Variants in SEC61A2 observed in about 807,000 individuals in gnomAD.
SEC61A2 encodes protein transport protein Sec61 subunit alpha isoform 2.
A neutral mutation model predicts 59.9 loss-of-function variants in SEC61A2; 28 were observed. The ratio of observed to expected loss-of-function variants is 0.47; its 90% confidence interval spans 0.35 to 0.64. The LOEUF is 0.64. Among genes scored for constraint, SEC61A2 ranks in the 30% least tolerant of loss-of-function variants. The pLI is 0.01. For missense variants in SEC61A2, 340 were observed against 585.9 expected (o/e 0.58, Z 4.33); for synonymous variants, 202 against 214.4 (o/e 0.94, Z 0.50).
chr10:12,165,173 T>G lies in SEC61A2; in HGVS notation c.*719T>G, dbSNP rs75398956. The G allele has an allele frequency of 2.0e-6, 2 of 985,494 alleles. No individual in the cohort carries two copies. The highest frequency in any genetic ancestry group is 3.5e-5 in the African/African-American group (2 of 57,368). The allele number at this position is 985,494 out of a possible 1,614,324, so 61.0% of individuals were successfully genotyped here. On this transcript the variant is annotated 3_prime_UTR_variant, in exon 12 of 12. Coordinates refer to ENST00000298428, the MANE Select transcript of SEC61A2 (RefSeq NM_018144.4). ...ACTCCAACCAGTCACTTGAGAATAT[T>G]CTTTCAAGATTCTGGGCCCCGATTC...
intron 6 of SEC61A2, among the ~76,000 whole-genome samples, chr10:12,150,580 T>C (rs1367484454): frequency 6.6e-6 from 1 of 152,230 alleles, no homozygotes; most frequent in East Asian, 1.9e-4. Flanking sequence ...TTCTTTGCAA[T>C]AAGGTATTGT....
chr10:12,167,964 A>G, downstream of SEC61A2: 2 of 1,365,370 alleles, frequency 1.5e-6, no homozygotes, highest in South Asian at 3.1e-5. Flanking sequence ...AGGATCTTAA[A>G]GAATAAAGAC....
At chr10:12,150,776 CTTT>C (rs764582648) in intron 6 of SEC61A2, among the ~76,000 whole-genome samples, 4 of 140,288 alleles carry the variant, frequency 2.9e-5, no homozygotes, top group Non-Finnish European at 1.6e-5. Context: ...TCCTAAGTAT[CTTT>C]TTTTTTTTTT....
At chr10:12,132,822 A>T (rs906419320) in intron 1 of SEC61A2, among the ~76,000 whole-genome samples, 6 of 152,184 alleles carry the variant, frequency 3.9e-5, no homozygotes, top group Admixed American at 6.5e-5. Flanking sequence ...GTACCACGGT[A>T]GAGTACATTT....
chr10:12,169,686 C>T (rs180978761), downstream of SEC61A2: 19 of 227,206 alleles, frequency 8.4e-5, no homozygotes, highest in Admixed American at 3.2e-4. This position sits in a 1 kb window ranked among gnomAD's most constrained non-coding sequence, Gnocchi z 4.8. Context: ...CTAAGGGATA[C>T]GAAATCTGAT....
chr10:12,138,160 G>T (rs1041298145), intron 3 of SEC61A2, among the ~76,000 whole-genome samples: 2 of 152,044 alleles, frequency 1.3e-5, no homozygotes, highest in African/African-American at 4.8e-5. Flanking sequence ...ATAATCTGGA[G>T]AAAACCTAAC....
chr10:12,146,808 G>A (rs923177769), intron 4 of SEC61A2, among the ~76,000 whole-genome samples: 20 of 152,178 alleles, frequency 1.3e-4, no homozygotes, highest in Non-Finnish European at 1.9e-4. Flanking sequence ...GTGAGCCACC[G>A]CGCCCAGCCA....
Position 12,145,021 on chromosome 10 carries a change from C to A in SEC61A2, c.220+1826C>A, listed in dbSNP as rs957765358. Among the ~76,000 whole-genome samples, 3 of 151,806 alleles carry A rather than the reference C, an allele frequency of 2.0e-5. No homozygotes were observed. The highest frequency in any genetic ancestry group is 6.6e-5 in the Admixed American group (1 of 15,242). ...CCGAGATCACGCCACTGCACTCTAG[C>A]CGGGGCGACACAACCAGACCCTGTC... On this transcript the variant is annotated intron_variant, in intron 4 of 11. Coordinates refer to ENST00000298428, the MANE Select transcript of SEC61A2 (RefSeq NM_018144.4). The surrounding 1 kb of genome is among the most constrained non-coding windows in gnomAD (Gnocchi z 4.4).
At position 12,160,565 on chromosome 10, in the gene SEC61A2, G is replaced by C. The variant is rs911704458; in HGVS notation, c.976-365G>C. 1.3e-5 allele frequency among the ~76,000 whole-genome samples: 2 copies of C among 152,168 alleles called. No homozygotes were observed. Among genetic ancestry groups the C allele is most frequent in the South Asian group, 4.2e-4 (2 of 4,818 alleles). ...TTCATATGGAAGGATCATTCATAGG[G>C]ATCTTAATGTACTGACTGGATACTC... On this transcript the variant is annotated intron_variant, in intron 9 of 11. Coordinates refer to ENST00000298428, the MANE Select transcript of SEC61A2 (RefSeq NM_018144.4). The surrounding 1 kb of genome is among the most constrained non-coding windows in gnomAD (Gnocchi z 4.1).
At position 12,161,558 on chromosome 10, in the gene SEC61A2, T is replaced by A. The variant is rs1486139447; in HGVS notation, c.1167+437T>A. 6.6e-6 allele frequency among the ~76,000 whole-genome samples: 1 copy of A among 152,120 alleles called. No homozygotes were observed. Among genetic ancestry groups the A allele is most frequent in the Non-Finnish European group, 1.5e-5 (1 of 68,002 alleles). ...GAGATCGAGACCATCCTGGTCAGCA[T>A]GGTAAAACCCTTTCTCTACTAAAAA... is the stretch of plus-strand genomic sequence containing the variant. On this transcript the variant is annotated intron_variant, in intron 10 of 11. Transcript: ENST00000298428. This position sits in a 1 kb window ranked among gnomAD's most constrained non-coding sequence, Gnocchi z 5.4.
rs1834414259 is a variant in SEC61A2, at chr10:12,157,025, C to T, written c.735C>T (p.Leu245=). 1 of 1,614,170 alleles carries T rather than the reference C, an allele frequency of 6.2e-7. No individual in the cohort carries two copies. The highest frequency in any genetic ancestry group is 2.2e-5 in the East Asian group (1 of 44,886). Residue 245 remains leucine, a synonymous_variant, in exon 8 of 12, where the codon CTC becomes CTT. Coordinates refer to ENST00000298428, the MANE Select transcript of SEC61A2 (RefSeq NM_018144.4). ...AGAACTTACCCAATCTCATGAACCT[C>T]ATTGCTACAGTTTTTGTGTTTGCTG... ...YRQNLPNLMN[L]IATVFVFAVV...
In SEC61A2 at chr10:12,162,331, G is replaced by A. The variant is rs989693477; in HGVS notation, c.1244+42G>A. 6.7e-7 allele frequency: 1 copy of A among 1,484,904 alleles called. No individual in the cohort carries two copies. The highest frequency in any genetic ancestry group is 9.4e-7 in the Non-Finnish European group (1 of 1,063,056). 92.0% of individuals were successfully genotyped at this position (1,484,904 alleles called of 1,614,324 possible). On this transcript the variant is annotated intron_variant, in intron 11 of 11. Coordinates refer to ENST00000298428, the MANE Select transcript of SEC61A2 (RefSeq NM_018144.4). The surrounding 1 kb of genome is among the most constrained non-coding windows in gnomAD (Gnocchi z 6.1). Reference sequence around the variant, plus strand: ...GACACCTTTATAGGCCTGTGTTTGTGTTTCAGTCTTTCAGTGTTGGCTAAA... The same window carrying A: ...GACACCTTTATAGGCCTGTGTTTGTATTTCAGTCTTTCAGTGTTGGCTAAA...
At position 12,155,890 on chromosome 10, in the gene SEC61A2, T is replaced by C. The variant is rs761321571; in HGVS notation, c.575T>C (p.Val192Ala). ...GCCACCAACATCTGTGAGACCATTG[T>C]CTGGAAGGCCTTTAGTCCCACTACC... ...FIATNICETI[V>A]WKAFSPTTIN... The change falls in exon 7 of 12, where the codon GTC becomes GCC. Residue 192 changes from valine to alanine, a missense_variant. Val to Ala is a moderately conservative substitution (Grantham distance 64). Coordinates refer to ENST00000298428, the MANE Select transcript of SEC61A2 (RefSeq NM_018144.4). This position sits in a 1 kb window ranked among gnomAD's most constrained non-coding sequence, Gnocchi z 4.3. The C allele has an allele frequency of 6.2e-7, 1 of 1,614,230 alleles. No homozygotes were observed. The highest frequency in any genetic ancestry group is 8.5e-7 in the Non-Finnish European group (1 of 1,180,032).
Position 12,153,756 on chromosome 10 carries a change from A to C in SEC61A2, c.463-2022A>C. 6.2e-7 allele frequency: 1 copy of C among 1,611,246 alleles called. No individual in the cohort carries two copies. The highest frequency in any genetic ancestry group is 8.5e-7 in the Non-Finnish European group (1 of 1,179,382). Reference sequence around the variant, plus strand: ...TTTCAAGGCGTTACTAACATTGAAAATATGTGGATACACTGAAGAGCTATG... The same window carrying C: ...TTTCAAGGCGTTACTAACATTGAAACTATGTGGATACACTGAAGAGCTATG... On this transcript the variant is annotated intron_variant, in intron 6 of 11. Transcript: ENST00000298428. The surrounding 1 kb of genome is among the most constrained non-coding windows in gnomAD (Gnocchi z 5.2).
rs977899579 is a variant in SEC61A2, at chr10:12,152,207, G to A, written c.462+2246G>A. ...CAAGCAATTCTGCCTCAGCCTCCCC[G>A]GTAGCTGGAATTACAGGGTCCTGCC... On this transcript the variant is annotated intron_variant, in intron 6 of 11. Coordinates refer to ENST00000298428, the MANE Select transcript of SEC61A2 (RefSeq NM_018144.4). The surrounding 1 kb of genome is among the most constrained non-coding windows in gnomAD (Gnocchi z 5.5). Among the ~76,000 whole-genome samples, 2 of 151,990 alleles carry A rather than the reference G, an allele frequency of 1.3e-5. No homozygotes were observed. Among genetic ancestry groups the A allele is most frequent in the East Asian group, 1.9e-4 (1 of 5,142 alleles).
rs890334878 is a variant in SEC61A2, at chr10:12,142,620, A to G, written c.142-497A>G. 2 of 501,050 alleles carry G rather than the reference A, an allele frequency of 4.0e-6. No homozygotes were observed. Among genetic ancestry groups the G allele is most frequent in the South Asian group, 8.6e-5 (1 of 11,566 alleles). The allele number at this position is 501,050 out of a possible 1,614,324, so 31.0% of individuals were successfully genotyped here. Reference sequence around the variant, plus strand: ...GTGTTTTTTAAATTGTGGTAAAAGTATAGAAAATATGCCATCTTCATCATT... The same window carrying G: ...GTGTTTTTTAAATTGTGGTAAAAGTGTAGAAAATATGCCATCTTCATCATT... On this transcript the variant is annotated intron_variant, in intron 3 of 11. Coordinates refer to ENST00000298428, the MANE Select transcript of SEC61A2 (RefSeq NM_018144.4). This position sits in a 1 kb window ranked among gnomAD's most constrained non-coding sequence, Gnocchi z 5.4.
Position 12,154,794 on chromosome 10 carries a change from T to A in SEC61A2, c.463-984T>A, listed in dbSNP as rs191233762. On this transcript the variant is annotated intron_variant, in intron 6 of 11. Transcript: ENST00000298428. This position sits in a 1 kb window ranked among gnomAD's most constrained non-coding sequence, Gnocchi z 5.2. The stretch of plus-strand genomic sequence containing the variant: ...TCTCATGTGGTTACTTTGGTCGCTC[T>A]TCCAGCAGGTGATATTGGATAAAGT... Among the ~76,000 whole-genome samples the A allele has an allele frequency of 6.6e-6, 1 of 152,300 alleles. No homozygotes were observed. Among genetic ancestry groups the A allele is most frequent in the East Asian group, 1.9e-4 (1 of 5,188 alleles).
rs1564412346 is a variant in SEC61A2 at position 12,149,856 on chromosome 10, T to C, written c.357T>C (p.Phe119=). The change falls in exon 6 of 12, where the codon TTT becomes TTC. Residue 119 remains phenylalanine, a synonymous_variant. Coordinates refer to ENST00000298428, the MANE Select transcript of SEC61A2 (RefSeq NM_018144.4). This position sits in a 1 kb window ranked among gnomAD's most constrained non-coding sequence, Gnocchi z 5.2. Reference sequence around the variant, plus strand: ...TTTCCCCCCAACTTTCATCAGTGTTTGGTATGATCATTACCATTGGGCAAG... The same window carrying C: ...TTTCCCCCCAACTTTCATCAGTGTTCGGTATGATCATTACCATTGGGCAAG... ...RALFNGAQKL[F]GMIITIGQAI... is the part of the protein sequence containing the mutation. The C allele has an allele frequency of 1.2e-6, 2 of 1,614,012 alleles. No homozygotes were observed. Among genetic ancestry groups the C allele is most frequent in the Non-Finnish European group, 8.5e-7 (1 of 1,179,876 alleles).
rs397814780 is a variant in SEC61A2, at chr10:12,142,962, C to CT, written c.142-144dup. Reference sequence around the variant, plus strand: ...TTGTAAATTAAGTGCACACTTTATACTTTTTTTTTTTGAGACAGAGTCTCC... The same window carrying CT: ...TTGTAAATTAAGTGCACACTTTATACTTTTTTTTTTTTGAGACAGAGTCTCC... On this transcript the variant is annotated intron_variant, in intron 3 of 11. Transcript: ENST00000298428. The surrounding 1 kb of genome is among the most constrained non-coding windows in gnomAD (Gnocchi z 5.4). 0.36 allele frequency among the ~76,000 whole-genome samples: 54,052 copies of CT among 149,020 alleles called. 9,869 individuals are homozygous for CT. Among genetic ancestry groups the CT allele is most frequent in the East Asian group, 0.42 (2,157 of 5,104 alleles).
Sources: allele counts gnomAD v4.1 joint callset (sites outside exome capture counted in the v4.1 genomes callset), GRCh38; gene constraint gnomAD v4.1.1; non-coding constraint Gnocchi (gnomAD v3.1); transcripts MANE v1.5; gene names NCBI Gene and HGNC (gene_info 2026-07-23, HGNC 2026-07-21).